The following NRIP2 variants were observed in gnomAD, a reference collection of about 807,000 sequenced individuals.
NRIP2 encodes the protein nuclear receptor-interacting protein 2.
A neutral mutation model predicts 34.1 loss-of-function variants in NRIP2; 27 were observed. The observed-to-expected ratio is 0.79, with a 90% CI of 0.58 to 1.09. The LOEUF (loss-of-function observed/expected upper bound fraction) is 1.09, where lower values mean the gene tolerates loss of function less well. Among genes scored for constraint, NRIP2 ranks in the 50% least tolerant of loss-of-function variants. The probability of loss-of-function intolerance (pLI) is 0.00; values close to 1 mark genes in which losing one functional copy is unlikely to be tolerated. For missense variants in NRIP2, 385 were observed against 352.6 expected (o/e 1.09, Z -0.74); for synonymous variants, 145 against 146.9 (o/e 0.99, Z 0.09).
At chr12:2,829,297 A>G (rs2097987611) in intron 2 of NRIP2, among the ~76,000 whole-genome samples, 1 of 132,448 alleles carries the variant, frequency 7.6e-6, no homozygotes, top group African/African-American at 3.5e-5. Flanking sequence ...ACTTTGGGAC[A>G]TAGACATTTT....
At position 2,828,325 on chromosome 12, in the gene NRIP2, T is replaced by C. The variant is rs2097980499; in HGVS notation, c.578+7A>G. On this transcript the variant is annotated splice_region_variant and intron_variant, in intron 3 of 5. Coordinates refer to ENST00000337508, the MANE Select transcript of NRIP2 (RefSeq NM_031474.3). ...CCCCCACTTGCTTGTTTGGGCCACA[T>C]TCTTACCCCAGGCGGCTGAGACATC... The C allele has an allele frequency of 6.2e-7, 1 of 1,613,838 alleles. No individual in the cohort carries two copies. Among genetic ancestry groups the C allele is most frequent in the Non-Finnish European group, 8.5e-7 (1 of 1,179,808 alleles).
intron 1 of NRIP2, among the ~76,000 whole-genome samples, chr12:2,833,600 T>C (rs2098013803): frequency 6.6e-6 from 1 of 151,996 alleles, no homozygotes; most frequent in African/African-American, 2.4e-5. Context: ...CCTGGTTGAG[T>C]ACCTCTTCTC....
At chr12:2,829,816 G>A (rs112603325) in intron 2 of NRIP2, among the ~76,000 whole-genome samples, 1,683 of 148,784 alleles carry the variant, frequency 0.011, 31 homozygotes, top group African/African-American at 0.038. Context: ...GGTGGCTCAC[G>A]CCTGTAATCC....
Position 2,827,834 on chromosome 12 carries a change from C to G in NRIP2, c.700+92G>C. On this transcript the variant is annotated intron_variant, in intron 4 of 5. Coordinates refer to ENST00000337508, the MANE Select transcript of NRIP2 (RefSeq NM_031474.3). The surrounding 1 kb of genome is among the most constrained non-coding windows in gnomAD (Gnocchi z 4.0). Reference sequence around the variant, plus strand: ...AGTCAGAACATCTCTGGGAACTCCTCGTGCTGCAGGGAGTGAAAGTCTCAG... The same window carrying G: ...AGTCAGAACATCTCTGGGAACTCCTGGTGCTGCAGGGAGTGAAAGTCTCAG... 1 of 1,605,048 alleles carries G rather than the reference C, an allele frequency of 6.2e-7. No homozygotes were observed. Among genetic ancestry groups the G allele is most frequent in the South Asian group, 1.1e-5 (1 of 89,978 alleles).
chr12:2,829,521 C>T (rs2097989153), intron 2 of NRIP2, among the ~76,000 whole-genome samples: 1 of 152,136 alleles, frequency 6.6e-6, no homozygotes, highest in South Asian at 2.1e-4. Context: ...TATCTATAAT[C>T]CAAGCACTTT....
intron 2 of NRIP2, among the ~76,000 whole-genome samples, chr12:2,830,062 G>A (rs1339857500): frequency 6.6e-6 from 1 of 151,950 alleles, no homozygotes; most frequent in Non-Finnish European, 1.5e-5. Flanking sequence ...GGGTGACAGA[G>A]CGAGACTCTG....
At chr12:2,831,437 A>G (rs2098002345) in intron 1 of NRIP2, among the ~76,000 whole-genome samples, 4 of 152,062 alleles carry the variant, frequency 2.6e-5, no homozygotes, top group Admixed American at 2.0e-4. Flanking sequence ...TACAAAAATT[A>G]GCTAGATGTA....
At chr12:2,830,613 C>T in intron 2 of NRIP2, 95 bp downstream of exon 2, 3 of 1,353,698 alleles carry the variant, frequency 2.2e-6, no homozygotes, top group Non-Finnish European at 3.0e-6. Context: ...TTCTCCCTCC[C>T]TCCCTCTCCC....
In NRIP2 at chr12:2,830,526, G is replaced by C. The variant is rs1421629124; in HGVS notation, c.495+182C>G. 2.4e-5 allele frequency: 14 copies of C among 572,190 alleles called. No homozygotes were observed. The East Asian group carries it at 4.1e-4, about 17-fold the overall frequency. The allele number at this position is 572,190 out of a possible 1,614,324, so 35.4% of individuals were successfully genotyped here. A position where few individuals can be genotyped will look rare whatever the true frequency, so the allele number is the denominator to read the frequency against. On this transcript the variant is annotated intron_variant, in intron 2 of 5. Coordinates refer to ENST00000337508, the MANE Select transcript of NRIP2 (RefSeq NM_031474.3). ...TGGTGGTGACAGATGGAGTTGCACC[G>C]AGGAGACATGGCTTGGGGCAGGGAG...
rs116527071 is a variant in NRIP2, at chr12:2,827,903, C to G, written c.700+23G>C. On this transcript the variant is annotated intron_variant, in intron 4 of 5. Coordinates refer to ENST00000337508, the MANE Select transcript of NRIP2 (RefSeq NM_031474.3). The surrounding 1 kb of genome is among the most constrained non-coding windows in gnomAD (Gnocchi z 4.0). ...GAGAAAGGTGAGGTGAGCACCAGGG[C>G]TGTTGCAGAAGGGGGGACTTACCCA... is the stretch of plus-strand genomic sequence containing the variant. 4,665 of 1,613,692 alleles carry G rather than the reference C, an allele frequency of 2.9e-3. 121 individuals are homozygous for G. In the African/African-American group the frequency reaches 0.055, roughly 19 times the overall value.
chr12:2,832,853 C>T (rs1250833228), intron 1 of NRIP2, among the ~76,000 whole-genome samples: 2 of 151,006 alleles, frequency 1.3e-5, no homozygotes, highest in African/African-American at 4.9e-5. Flanking sequence ...GTTTTTCTAC[C>T]CTTAGATTAA....
At chr12:2,833,835 A>G (rs1378304076) in intron 1 of NRIP2, among the ~76,000 whole-genome samples, 1 of 152,216 alleles carries the variant, frequency 6.6e-6, no homozygotes, top group Non-Finnish European at 1.5e-5. Context: ...GATTGATTTG[A>G]TTCTCATTTA....
In NRIP2 at chr12:2,832,567, G is replaced by A. The variant is rs371056500; in HGVS notation, c.343-1707C>T. Among the ~76,000 whole-genome samples, 4 of 151,762 alleles carry A rather than the reference G, an allele frequency of 2.6e-5. No individual in the cohort carries two copies. The East Asian group carries it at 7.8e-4, about 29-fold the overall frequency. On this transcript the variant is annotated intron_variant, in intron 1 of 5. Transcript: ENST00000337508. ...ATAATGCAGGATGTACCCTCTCCAG[G>A]ATACCCTCTCTGAGTTCTTCATGCT...
chr12:2,832,602 A>T (rs1022885991), intron 1 of NRIP2, among the ~76,000 whole-genome samples: 8 of 151,766 alleles, frequency 5.3e-5, no homozygotes, highest in South Asian at 2.1e-4. Context: ...TCCTCTCTCC[A>T]TACACGCCAA....
At chr12:2,834,603 A>G in intron 1 of NRIP2, 39 bp downstream of exon 1, 1 of 1,528,132 alleles carries the variant, frequency 6.5e-7, no homozygotes, top group Non-Finnish European at 8.8e-7. Context: ...TGGAAGGAAA[A>G]GGCCAGGGGA....
chr12:2,827,577 A>G lies in NRIP2; in HGVS notation c.753+48T>C. On this transcript the variant is annotated intron_variant, in intron 5 of 5. Transcript: ENST00000337508. This position sits in a 1 kb window ranked among gnomAD's most constrained non-coding sequence, Gnocchi z 4.0. Reference sequence around the variant, plus strand: ...TCCAGGTTCCACACCTGTGCCTTCTACTACTTTTTCCCAGTGCTTTGGGTC... The same window carrying G: ...TCCAGGTTCCACACCTGTGCCTTCTGCTACTTTTTCCCAGTGCTTTGGGTC... The G allele has an allele frequency of 1.2e-6, 2 of 1,613,682 alleles. No individual in the cohort carries two copies. Among genetic ancestry groups the G allele is most frequent in the Non-Finnish European group, 1.7e-6 (2 of 1,179,854 alleles).
At chr12:2,834,579 C>T in intron 1 of NRIP2, 63 bp downstream of exon 1, 1 of 1,518,224 alleles carries the variant, frequency 6.6e-7, no homozygotes, top group Non-Finnish European at 8.8e-7. Context: ...GCCTCCTGCT[C>T]AGGATCTGGG....
rs555682970 is a variant in NRIP2 at position 2,830,853 on chromosome 12, C to T, written c.350G>A (p.Arg117His). 9.3e-6 allele frequency: 15 copies of T among 1,612,508 alleles called. No homozygotes were observed. Among genetic ancestry groups the T allele is most frequent in the Admixed American group, 6.7e-5 (4 of 59,746 alleles). ...CACCAGGCGTCTTTGGATCACACTG[C>T]GCGGCTGCTGGCTCCATCACAAAAC... ...RLGTSKDLQP[R>H]SVIQRRLVEG... Residue 117 changes from arginine (R) to histidine (H), a missense_variant, in exon 2 of 6, where the codon CGC (arginine) becomes CAC (histidine). Arg to His is a conservative substitution (Grantham distance 29). Coordinates refer to ENST00000337508, the MANE Select transcript of NRIP2 (RefSeq NM_031474.3).
intron 2 of NRIP2, among the ~76,000 whole-genome samples, chr12:2,829,124 T>C (rs1188140141): frequency 6.6e-6 from 1 of 152,042 alleles, no homozygotes; most frequent in Non-Finnish European, 1.5e-5. Context: ...GAAACGGTGA[T>C]TTGTTTGTTT....
Sources: gnomAD v4.1 joint callset for allele counts (sites outside exome capture counted in the v4.1 genomes callset) on GRCh38, gnomAD v4.1.1 for gene constraint, Gnocchi (gnomAD v3.1) non-coding constraint, MANE v1.5 for transcripts, NCBI Gene and HGNC (gene_info 2026-07-23, HGNC 2026-07-21) for gene names.